Variants in STAG1 observed in about 807,000 individuals in gnomAD.
The protein encoded by STAG1 is STAG1 cohesin complex component.
Under a neutral mutation model 170.9 loss-of-function variants are expected in STAG1, and 26 were observed. The observed-to-expected ratio is 0.15, with a 90% CI of 0.11 to 0.21. STAG1 has a LOEUF of 0.21. Ranked by LOEUF, STAG1 falls within the 10% of genes least tolerant of loss-of-function variation. The pLI is 1.00. For missense variants in STAG1, 964 were observed against 1,509.5 expected (o/e 0.64, Z 5.99); for synonymous variants, 514 against 497.7 (o/e 1.03, Z -0.44).
chr3:136,643,802 C>T (rs1417073087), intron 1 of STAG1, among the ~76,000 whole-genome samples: 1 of 152,142 alleles, frequency 6.6e-6, no homozygotes, highest in Admixed American at 6.5e-5. Flanking sequence ...AGCCACTGCG[C>T]CAAGCCTGAA....
At chr3:136,742,422 TA>T (rs146944040) in intron 1 of STAG1, among the ~76,000 whole-genome samples, 6,145 of 152,036 alleles carry the variant, frequency 0.04, 172 homozygotes, top group South Asian at 0.07. Context: ...TATTGAAAAT[TA>T]AACAACAAGG....
At chr3:136,688,269 G>C (rs1193749346) in intron 1 of STAG1, among the ~76,000 whole-genome samples, 1 of 152,172 alleles carries the variant, frequency 6.6e-6, no homozygotes, top group Non-Finnish European at 1.5e-5. Flanking sequence ...CAATGAGACT[G>C]ACAAGAGTTC....
intron 21 of STAG1, among the ~76,000 whole-genome samples, chr3:136,409,406 G>A (rs570940749): frequency 5.0e-4 from 75 of 151,432 alleles, no homozygotes; most frequent in Non-Finnish European, 3.2e-4. Context: ...GCATGATTTC[G>A]GCTCACTGCA....
chr3:136,635,620 G>A (rs1272791674), intron 1 of STAG1, among the ~76,000 whole-genome samples: 17 of 152,050 alleles, frequency 1.1e-4, no homozygotes, highest in Non-Finnish European at 2.4e-4. Flanking sequence ...TGGCTAATGC[G>A]ACAAGAGAAA....
Position 136,349,050 on chromosome 3 carries a change from C to A in STAG1, c.3271+108G>T, listed in dbSNP as rs1936339397. 3.5e-6 allele frequency: 3 copies of A among 848,514 alleles called. No homozygotes were observed. In the East Asian group the frequency reaches 7.5e-5, roughly 21 times the overall value. The allele number at this position is 848,514 out of a possible 1,614,324, so 52.6% of individuals were successfully genotyped here. A position where few individuals can be genotyped will look rare whatever the true frequency, so the allele number is the denominator to read the frequency against. On this transcript the variant is annotated intron_variant, in intron 29 of 33. Transcript: ENST00000383202. ...AACATCTCATTGTGAATAAAATATA[C>A]AAGAAAATCATGTGCCTGATACTAT...
At chr3:136,407,080 G>A (rs952042120) in intron 21 of STAG1, among the ~76,000 whole-genome samples, 8 of 152,018 alleles carry the variant, frequency 5.3e-5, no homozygotes, top group Admixed American at 2.0e-4. Context: ...AGGCTGGAGC[G>A]CAGTTGCGCA....
intron 1 of STAG1, chr3:136,737,290 G>C (rs1314109254): frequency 2.1e-6 from 1 of 465,466 alleles, no homozygotes; most frequent in African/African-American, 2.0e-5. Context: ...TCTTAGTAGA[G>C]ATGGGGTTTC....
At chr3:136,551,222 A>G (rs868073550) in intron 5 of STAG1, among the ~76,000 whole-genome samples, 1 of 121,290 alleles carries the variant, frequency 8.2e-6, no homozygotes, top group African/African-American at 3.0e-5. Context: ...AGAGAGAGAG[A>G]GAGAGAGAGA....
At chr3:136,722,643 TCCCTCTC>T (rs1424523024) in intron 1 of STAG1, among the ~76,000 whole-genome samples, 2 of 124,874 alleles carry the variant, frequency 1.6e-5, no homozygotes, top group East Asian at 2.7e-4. Flanking sequence ...CCTCTCCCCC[TCCCTCTC>T]CCCTCTCCCT....
intron 9 of STAG1, among the ~76,000 whole-genome samples, chr3:136,487,856 C>T (rs1182503894): frequency 6.6e-6 from 1 of 152,188 alleles, no homozygotes; most frequent in Non-Finnish European, 1.5e-5. Context: ...GTTTTGTTCT[C>T]TCTGTGATCA....
In STAG1 at chr3:136,630,851, A is replaced by G. The variant is rs1276449469; in HGVS notation, c.29+19T>C. ...ATTTTCCTTAAAAAATATAAAAAAA[A>G]GAAAATTACAATACTTACTGTAACA... On this transcript the variant is annotated intron_variant, in intron 2 of 33. Coordinates refer to ENST00000383202, the MANE Select transcript of STAG1 (RefSeq NM_005862.3). 1 of 1,526,488 alleles carries G rather than the reference A, an allele frequency of 6.6e-7. No individual in the cohort carries two copies. The highest frequency in any genetic ancestry group is 2.1e-5 in the Admixed American group (1 of 47,676). The allele number at this position is 1,526,488 out of a possible 1,614,324, so 94.6% of individuals were successfully genotyped here. A position where few individuals can be genotyped will look rare whatever the true frequency, so the allele number is the denominator to read the frequency against.
At chr3:136,539,515 A>G (rs1192935963) in intron 6 of STAG1, among the ~76,000 whole-genome samples, 3 of 152,226 alleles carry the variant, frequency 2.0e-5, no homozygotes, top group Non-Finnish European at 1.5e-5. Context: ...ATTTCCCTAC[A>G]TAAAAGTCAT....
chr3:136,338,168 G>C lies in STAG1; in HGVS notation c.*86C>G. Reference sequence around the variant, plus strand: ...AAAAACAAATCAGATCACATCAAAAGTGTTTTTCCCCATACAAGCTATCAC... The same window carrying C: ...AAAAACAAATCAGATCACATCAAAACTGTTTTTCCCCATACAAGCTATCAC... On this transcript the variant is annotated 3_prime_UTR_variant, in exon 34 of 34. Transcript: ENST00000383202. The C allele has an allele frequency of 2.3e-6, 2 of 872,572 alleles. No homozygotes were observed. Among genetic ancestry groups the C allele is most frequent in the Non-Finnish European group, 3.7e-6 (2 of 534,614 alleles). 54.1% of individuals were successfully genotyped at this position (872,572 alleles called of 1,614,324 possible). A position where few individuals can be genotyped will look rare whatever the true frequency, so the allele number is the denominator to read the frequency against.
At chr3:136,660,371 T>C (rs1160667925) in intron 1 of STAG1, among the ~76,000 whole-genome samples, 1 of 152,060 alleles carries the variant, frequency 6.6e-6, no homozygotes, top group East Asian at 1.9e-4. Context: ...AAAAAGATAA[T>C]AAAATTTAGC....
At chr3:136,494,124 TG>T (rs1282667664) in intron 9 of STAG1, among the ~76,000 whole-genome samples, 1 of 151,906 alleles carries the variant, frequency 6.6e-6, no homozygotes, top group Non-Finnish European at 1.5e-5. Context: ...AATAAAAAAT[TG>T]GCCAGGTGTC....
At chr3:136,450,649 T>C (rs2107774435) in intron 14 of STAG1, among the ~76,000 whole-genome samples, 1 of 152,390 alleles carries the variant, frequency 6.6e-6, no homozygotes, top group East Asian at 1.9e-4. Flanking sequence ...ACTGACATTC[T>C]AGCACAAATC....
chr3:136,697,968 T>A (rs1942946789), intron 1 of STAG1, among the ~76,000 whole-genome samples: 2 of 152,090 alleles, frequency 1.3e-5, no homozygotes, highest in Non-Finnish European at 2.9e-5. Context: ...TTTACTGTTT[T>A]CTTATGAAAT....
At chr3:136,602,293 T>G (rs1258697924) in intron 4 of STAG1, among the ~76,000 whole-genome samples, 4 of 150,042 alleles carry the variant, frequency 2.7e-5, no homozygotes, top group Non-Finnish European at 5.9e-5. Flanking sequence ...GCAGAAGAAT[T>G]GCTTGAACCT....
Position 136,666,072 on chromosome 3 carries a change from C to T in STAG1, c.-83-35091G>A, listed in dbSNP as rs568064956. On this transcript the variant is annotated intron_variant, in intron 1 of 33. Coordinates refer to ENST00000383202, the MANE Select transcript of STAG1 (RefSeq NM_005862.3). ...CCTGGGCGATAGAGTGAGACTCCAT[C>T]TCAAAAAAAAAAAAAAAAAAAAAAA... is the stretch of plus-strand genomic sequence containing the variant. 6.2e-3 allele frequency among the ~76,000 whole-genome samples: 234 copies of T among 38,014 alleles called. 3 individuals are homozygous for T. In the Middle Eastern group the frequency reaches 0.12, roughly 20 times the overall value. 24.9% of individuals were successfully genotyped at this position (38,014 alleles called of 152,430 possible).
Sources: gnomAD v4.1 joint callset for allele counts (sites outside exome capture counted in the v4.1 genomes callset) on GRCh38, gnomAD v4.1.1 for gene constraint, MANE v1.5 for transcripts, NCBI Gene and HGNC (gene_info 2026-07-23, HGNC 2026-07-21) for gene names.